NLGN1: variants seen among roughly 807,000 people sequenced by gnomAD.
The protein encoded by NLGN1 is neuroligin 1, also known as neuroligin-1.
A neutral mutation model predicts 65.5 loss-of-function variants in NLGN1; 12 were observed. The ratio of observed to expected loss-of-function variants is 0.18; its 90% CI spans 0.12 to 0.30. NLGN1 has a LOEUF of 0.30. NLGN1 is among the 10% of genes least tolerant of loss of function. NLGN1 has a pLI of 1.00. For missense variants in NLGN1, 750 were observed against 1,007.1 expected, an observed-to-expected ratio of 0.74 and a Z score of 3.46; for synonymous variants, 350 against 359.5, an observed-to-expected ratio of 0.97 and a Z score of 0.30.
intron 3 of NLGN1, among the ~76,000 whole-genome samples, chr3:173,709,685 C>T (rs1768615439): frequency 6.6e-6 from 1 of 151,476 alleles, no homozygotes. Context: ...TGCCTGTAAT[C>T]CCAGCTACTC....
At chr3:173,863,374 C>G (rs1262451847) in intron 4 of NLGN1, among the ~76,000 whole-genome samples, 1 of 152,124 alleles carries the variant, frequency 6.6e-6, no homozygotes, top group African/African-American at 2.4e-5. Context: ...TCATTATCAT[C>G]TTTCATATCA....
At chr3:173,427,841 C>T (rs912903464) in intron 1 of NLGN1, among the ~76,000 whole-genome samples, 5 of 149,292 alleles carry the variant, frequency 3.3e-5, no homozygotes, top group Non-Finnish European at 7.4e-5. Context: ...GGTCTGGAAA[C>T]TCTATTTTTT....
chr3:173,888,379 G>A (rs1406450333), intron 4 of NLGN1, among the ~76,000 whole-genome samples: 1 of 151,832 alleles, frequency 6.6e-6, no homozygotes, highest in South Asian at 2.1e-4. Context: ...ATAATACCTA[G>A]TATAATATAA....
intron 4 of NLGN1, among the ~76,000 whole-genome samples, chr3:173,866,516 G>A (rs886150961): frequency 5.3e-5 from 8 of 152,274 alleles, no homozygotes; most frequent in Admixed American, 5.2e-4. Flanking sequence ...GAGAAATTGG[G>A]CGTATGTTTG....
chr3:173,760,250 G>T (rs1358696354), intron 3 of NLGN1, among the ~76,000 whole-genome samples: 2 of 151,868 alleles, frequency 1.3e-5, no homozygotes, highest in African/African-American at 4.8e-5. Context: ...GAATTTCACT[G>T]TATAATCTCT....
At chr3:173,797,693 C>CAAAAAAAAAAAAAAAAAAAAAAAAA (rs1312419518) in intron 3 of NLGN1, among the ~76,000 whole-genome samples, 3 of 56,454 alleles carry the variant, frequency 5.3e-5, no homozygotes, top group African/African-American at 1.1e-4. Context: ...ACAACAACAA[C>CAAAAAAAAAAAAAAAAAAAAAAAAA]AACAACAAAA....
intron 3 of NLGN1, among the ~76,000 whole-genome samples, chr3:173,641,947 A>G (rs973215055): frequency 6.6e-6 from 1 of 152,180 alleles, no homozygotes; most frequent in East Asian, 1.9e-4. Flanking sequence ...TAAAATATAT[A>G]CTATCTTACC....
intron 4 of NLGN1, among the ~76,000 whole-genome samples, chr3:174,144,666 G>A (rs1160642433): frequency 3.3e-5 from 5 of 152,170 alleles, no homozygotes; most frequent in Non-Finnish European, 7.3e-5. Flanking sequence ...CTAATGACCA[G>A]TGATGATGAG....
chr3:174,100,276 T>TAA (rs11431812), intron 4 of NLGN1, among the ~76,000 whole-genome samples: 147 of 145,960 alleles, frequency 1.0e-3, no homozygotes, highest in African/African-American at 2.4e-3. Context: ...ATACCTATGG[T>TAA]AAAAAAAAAA....
intron 2 of NLGN1, among the ~76,000 whole-genome samples, chr3:173,592,658 GA>G (rs951574479): frequency 1.3e-5 from 2 of 152,142 alleles, no homozygotes; most frequent in African/African-American, 4.8e-5. Context: ...GTTAATTGAT[GA>G]AAAATAGTAT....
At chr3:173,932,644 G>A (rs1275482731) in intron 4 of NLGN1, among the ~76,000 whole-genome samples, 1 of 152,144 alleles carries the variant, frequency 6.6e-6, no homozygotes, top group Non-Finnish European at 1.5e-5. Flanking sequence ...AGAAGTTAGG[G>A]TGTGTAACCA....
intron 4 of NLGN1, among the ~76,000 whole-genome samples, chr3:174,179,128 A>G (rs1729943478): frequency 6.6e-6 from 1 of 152,134 alleles, no homozygotes; most frequent in Non-Finnish European, 1.5e-5. Flanking sequence ...TTACTACATA[A>G]GAAATGTTGT....
rs1773892054 is a variant in NLGN1, at chr3:173,737,099, T to C, written c.494-70581T>C. ...CACATGATAAATGCAAAAGCAAAAATCCACTGGTAGTTTATTTGTAATTTA... is the reference window on the plus strand; with the variant it reads ...CACATGATAAATGCAAAAGCAAAAACCCACTGGTAGTTTATTTGTAATTTA... On this transcript the variant is annotated intron_variant, in intron 3 of 6. Coordinates refer to ENST00000457714, the Ensembl canonical transcript of NLGN1. Among the ~76,000 whole-genome samples the C allele has an allele frequency of 2.6e-5, 4 of 152,008 alleles. No homozygotes were observed. The South Asian group carries it at 6.2e-4, about 24-fold the overall frequency.
At chr3:173,697,805 C>T (rs900875533) in intron 3 of NLGN1, among the ~76,000 whole-genome samples, 5 of 152,180 alleles carry the variant, frequency 3.3e-5, no homozygotes, top group African/African-American at 1.2e-4. Flanking sequence ...ACTGGGATTA[C>T]AGGCGTGAGC....
At chr3:174,234,989 T>TTTTTTTTTC (rs1741436114) in intron 4 of NLGN1, among the ~76,000 whole-genome samples, 1 of 53,572 alleles carries the variant, frequency 1.9e-5, no homozygotes, top group Non-Finnish European at 4.2e-5. Context: ...AATCACCTTT[T>TTTTTTTTTC]TTTTTTTTTT....
chr3:173,985,501 A>C (rs948136434), intron 4 of NLGN1, among the ~76,000 whole-genome samples: 5 of 152,174 alleles, frequency 3.3e-5, no homozygotes, highest in Non-Finnish European at 7.3e-5. Context: ...GTCTATAGAA[A>C]ATATGCATTG....
intron 3 of NLGN1, among the ~76,000 whole-genome samples, chr3:173,609,989 G>T (rs189493372): frequency 6.6e-6 from 1 of 152,000 alleles, no homozygotes; most frequent in East Asian, 1.9e-4. Flanking sequence ...AAAAGAGAGA[G>T]AGACAGAATA....
At chr3:173,666,140 T>C (rs1489199021) in intron 3 of NLGN1, among the ~76,000 whole-genome samples, 3 of 152,156 alleles carry the variant, frequency 2.0e-5, no homozygotes, top group Admixed American at 6.6e-5. Flanking sequence ...TCTTCTCTTA[T>C]ATGTCAATTG....
intron 1 of NLGN1, among the ~76,000 whole-genome samples, chr3:173,411,799 C>T (rs896229422): frequency 8.5e-5 from 13 of 152,180 alleles, no homozygotes; most frequent in Admixed American, 7.9e-4. Flanking sequence ...TTTCCTGCTT[C>T]TCTGGGTTAC....
Sources: gnomAD v4.1 joint callset for allele counts (sites outside exome capture counted in the v4.1 genomes callset) on GRCh38, gnomAD v4.1.1 for gene constraint, MANE v1.5 for transcripts, NCBI Gene and HGNC (gene_info 2026-07-23, HGNC 2026-07-21) for gene names.